The following CHSY3 variants were observed in gnomAD, a reference collection of about 807,000 sequenced individuals.
The protein encoded by CHSY3 is N-acetylgalactosaminyl-proteoglycan 3-beta-glucuronosyltransferase 3.
In CHSY3, 35 loss-of-function variants were observed where a neutral mutation model predicts 67.2. The observed-to-expected ratio is 0.52, with a 90% CI of 0.40 to 0.69. The LOEUF (loss-of-function observed/expected upper bound fraction) is 0.69, where lower values mean the gene tolerates loss of function less well. Ranked by LOEUF, CHSY3 falls within the 30% of genes least tolerant of loss-of-function variation. CHSY3 has a pLI of 0.00. For synonymous variants in CHSY3, 474 were observed against 434.7 expected (o/e 1.09, Z -1.12); for missense variants, 1,069 against 1,138.5 (o/e 0.94, Z 0.88).
In CHSY3 at chr5:130,140,560, G is replaced by A. The variant is rs1464258081; in HGVS notation, c.1087-43669G>A. The A allele has an allele frequency of 5.2e-6, 3 of 571,610 alleles. No homozygotes were observed. In the East Asian group the frequency reaches 9.4e-5, roughly 18 times the overall value. 35.4% of individuals were successfully genotyped at this position (571,610 alleles called of 1,614,324 possible). On this transcript the variant is annotated intron_variant, in intron 2 of 2. Transcript: ENST00000305031. Reference sequence around the variant, plus strand: ...AATTATCAGTAAGCCAACTGCTGCTGCTACTGCTTATAGACAAAAAGGTTG... The same window carrying A: ...AATTATCAGTAAGCCAACTGCTGCTACTACTGCTTATAGACAAAAAGGTTG...
In CHSY3 at chr5:130,144,288, C is replaced by A. The variant is rs145077174; in HGVS notation, c.1087-39941C>A. 9.8e-3 allele frequency among the ~76,000 whole-genome samples: 1,490 copies of A among 152,120 alleles called. 30 individuals are homozygous for A. The highest frequency in any genetic ancestry group is 0.034 in the African/African-American group (1,416 of 41,504). On this transcript the variant is annotated intron_variant, in intron 2 of 2. Transcript: ENST00000305031. Reference sequence around the variant, plus strand: ...CTCCAGTTTCCTGCTACTTATCCCCCACAAAAGGGACTAAATAACAAATAT... The same window carrying A: ...CTCCAGTTTCCTGCTACTTATCCCCAACAAAAGGGACTAAATAACAAATAT...
Position 130,100,417 on chromosome 5 carries a change from G to A in CHSY3, c.1087-83812G>A, listed in dbSNP as rs185256634. Among the ~76,000 whole-genome samples the A allele has an allele frequency of 2.5e-4, 37 of 149,406 alleles. No homozygotes were observed. The East Asian group carries it at 6.8e-3, about 27-fold the overall frequency. On this transcript the variant is annotated intron_variant, in intron 2 of 2. Transcript: ENST00000305031. The stretch of plus-strand genomic sequence containing the variant: ...TCACCGTGTTAGCCAGGATGGTCTC[G>A]ATCTCCTGACCTTGTGATCCGCCCG...
chr5:130,077,933 C>G (rs1766325785), intron 2 of CHSY3, among the ~76,000 whole-genome samples: 1 of 151,688 alleles, frequency 6.6e-6, no homozygotes, highest in Non-Finnish European at 1.5e-5. Context: ...CTAAAGAAAC[C>G]TAAATGTGAA....
intron 2 of CHSY3, among the ~76,000 whole-genome samples, chr5:130,150,495 C>A (rs1769206091): frequency 6.6e-6 from 1 of 151,936 alleles, no homozygotes; most frequent in Non-Finnish European, 1.5e-5. Flanking sequence ...CTGGAGAAAT[C>A]ATTTAAAATA....
At chr5:130,071,249 A>G (rs1766053604) in intron 2 of CHSY3, among the ~76,000 whole-genome samples, 1 of 152,080 alleles carries the variant, frequency 6.6e-6, no homozygotes, top group Admixed American at 6.6e-5. Context: ...ATAACCATGT[A>G]TAAGAGAGAA....
chr5:130,165,097 C>T (rs1769703167), intron 2 of CHSY3, among the ~76,000 whole-genome samples: 1 of 152,114 alleles, frequency 6.6e-6, no homozygotes, highest in Non-Finnish European at 1.5e-5. Flanking sequence ...TCATCTATTC[C>T]ATGGTCAGTG....
chr5:130,132,387 A>C (rs77738333), intron 2 of CHSY3, among the ~76,000 whole-genome samples: 4 of 152,212 alleles, frequency 2.6e-5, no homozygotes, highest in African/African-American at 9.6e-5. Context: ...TGAACAAGTT[A>C]AACGTGATCA....
At chr5:130,139,535 A>T (rs979964032) in intron 2 of CHSY3, among the ~76,000 whole-genome samples, 1 of 152,228 alleles carries the variant, frequency 6.6e-6, no homozygotes, top group Admixed American at 6.5e-5. Context: ...TTTTGAGAAT[A>T]GGAGCTGCTT....
intron 2 of CHSY3, among the ~76,000 whole-genome samples, chr5:130,137,503 G>A (rs545841668): frequency 1.4e-4 from 22 of 152,004 alleles, no homozygotes; most frequent in African/African-American, 5.3e-4. Flanking sequence ...AATGACACTG[G>A]GCATAATATG....
rs957637276 is a variant in CHSY3 at position 129,947,467 on chromosome 5, A to G, written c.1086+39107A>G. Among the ~76,000 whole-genome samples, 28 of 152,082 alleles carry G rather than the reference A, an allele frequency of 1.8e-4. 1 individual carries two copies. The East Asian group carries it at 5.0e-3, about 27-fold the overall frequency. On this transcript the variant is annotated intron_variant, in intron 2 of 2. Coordinates refer to ENST00000305031, the MANE Select transcript of CHSY3 (RefSeq NM_175856.5). ...GGTGAAACCCATCTCTACTAAAAATACAAAAATTAGCCGGGTTTGGTGGCG... is the reference window on the plus strand; with the variant it reads ...GGTGAAACCCATCTCTACTAAAAATGCAAAAATTAGCCGGGTTTGGTGGCG...
intron 2 of CHSY3, among the ~76,000 whole-genome samples, chr5:130,139,116 T>C (rs1768772258): frequency 6.6e-6 from 1 of 152,194 alleles, no homozygotes; most frequent in African/African-American, 2.4e-5. Flanking sequence ...GAAAAGTTAA[T>C]TTGTTGCCCT....
intron 2 of CHSY3, among the ~76,000 whole-genome samples, chr5:130,001,150 A>G (rs945356542): frequency 1.3e-5 from 2 of 151,996 alleles, no homozygotes; most frequent in Non-Finnish European, 2.9e-5. Flanking sequence ...AAAGTGCTGG[A>G]AAACAAGCAT....
chr5:130,077,081 A>G (rs1401240252), intron 2 of CHSY3, among the ~76,000 whole-genome samples: 3 of 151,804 alleles, frequency 2.0e-5, no homozygotes, highest in African/African-American at 4.8e-5. Context: ...CATGTACCCT[A>G]AAACTTAAAG....
intron 2 of CHSY3, among the ~76,000 whole-genome samples, chr5:129,926,650 T>G (rs959792137): frequency 6.6e-6 from 1 of 151,912 alleles, no homozygotes; most frequent in Non-Finnish European, 1.5e-5. Flanking sequence ...GCAGTTGTGG[T>G]AAATCAAATT....
chr5:129,999,580 T>G (rs1282006695), intron 2 of CHSY3, among the ~76,000 whole-genome samples: 1 of 152,138 alleles, frequency 6.6e-6, no homozygotes, highest in Non-Finnish European at 1.5e-5. Flanking sequence ...CTTCCAAGTT[T>G]CCGCATTATC....
intron 2 of CHSY3, among the ~76,000 whole-genome samples, chr5:130,019,781 T>C (rs973256658): frequency 2.0e-5 from 3 of 152,254 alleles, no homozygotes; most frequent in Non-Finnish European, 4.4e-5. Context: ...CTAAAGGTTT[T>C]TGCATCTCTC....
intron 2 of CHSY3, among the ~76,000 whole-genome samples, chr5:130,038,683 A>G (rs866845044): frequency 1.3e-4 from 20 of 152,130 alleles, no homozygotes; most frequent in African/African-American, 4.6e-4. Context: ...TACTTTGCCA[A>G]ATAATTAGTT....
intron 2 of CHSY3, among the ~76,000 whole-genome samples, chr5:130,176,839 T>C (rs1770069272): frequency 6.6e-6 from 1 of 151,966 alleles, no homozygotes; most frequent in Admixed American, 6.6e-5. Flanking sequence ...CAGGGCCTGT[T>C]GAGGAGTGGG....
chr5:130,167,417 T>A (rs1217243184), intron 2 of CHSY3, among the ~76,000 whole-genome samples: 1 of 152,084 alleles, frequency 6.6e-6, no homozygotes, highest in Non-Finnish European at 1.5e-5. Flanking sequence ...ATTGTAAAAC[T>A]GGCAGGCAAG....
Sources: allele counts gnomAD v4.1 joint callset (sites outside exome capture counted in the v4.1 genomes callset), GRCh38; gene constraint gnomAD v4.1.1; transcripts MANE v1.5; gene names NCBI Gene and HGNC (gene_info 2026-07-23, HGNC 2026-07-21).